The following DGKB variants were observed in gnomAD, a reference collection of about 807,000 sequenced individuals.
DGKB encodes 90 kDa diacylglycerol kinase.
In DGKB, 67 loss-of-function variants were observed where a neutral mutation model predicts 114.3. That is an observed-to-expected ratio of 0.59 (90% confidence interval 0.48 to 0.72). The LOEUF (loss-of-function observed/expected upper bound fraction) is 0.72. Among genes scored for constraint, DGKB ranks in the 30% least tolerant of loss-of-function variants. DGKB has a pLI of 0.00. For missense variants in DGKB, 907 were observed against 975.2 expected, an observed-to-expected ratio of 0.93 and a Z score of 0.93; for synonymous variants, 398 against 323.1, an observed-to-expected ratio of 1.23 and a Z score of -2.49.
intron 9 of DGKB, among the ~76,000 whole-genome samples, chr7:14,689,199 A>ATTTTTTTTATTT (rs1554599100): frequency 1.8e-4 from 14 of 76,566 alleles, no homozygotes; most frequent in Admixed American, 7.6e-4. Context: ...AACTCCTCTT[A>ATTTTTTTTATTT]TTTTTTTTTT....
At chr7:14,338,890 C>A (rs538963013) in intron 22 of DGKB, among the ~76,000 whole-genome samples, 180 bp from the exon 23 acceptor site, 4 of 152,132 alleles carry the variant, frequency 2.6e-5, no homozygotes, top group Non-Finnish European at 5.9e-5. Context: ...GATAAAGCAG[C>A]CCCTAACATT....
chr7:14,601,457 T>C (rs568796534), intron 17 of DGKB, among the ~76,000 whole-genome samples: 3 of 152,338 alleles, frequency 2.0e-5, no homozygotes, highest in African/African-American at 7.2e-5. Flanking sequence ...ACCCAAACTT[T>C]CATTGGTAAC....
chr7:14,303,893 G>A (rs947879199), intron 23 of DGKB, among the ~76,000 whole-genome samples: 1 of 152,098 alleles, frequency 6.6e-6, no homozygotes, highest in African/African-American at 2.4e-5. Context: ...GGATTGAAAA[G>A]TCTATCAAGT....
At chr7:14,351,445 G>C (rs1269470881) in intron 21 of DGKB, among the ~76,000 whole-genome samples, 6 of 152,308 alleles carry the variant, frequency 3.9e-5, no homozygotes, top group Admixed American at 2.0e-4. Context: ...CCCTAGGTCA[G>C]TGCAGAGGGA....
intron 6 of DGKB, among the ~76,000 whole-genome samples, chr7:14,709,296 C>T (rs1160459221): frequency 6.7e-6 from 1 of 148,908 alleles, no homozygotes; most frequent in East Asian, 2.0e-4. Context: ...GAATGGCAGT[C>T]ATTAAAAAGT....
rs374610278 is a variant in DGKB, at chr7:14,203,161, C to CA, written c.2123-25011dup. 7.8e-3 allele frequency among the ~76,000 whole-genome samples: 745 copies of CA among 96,098 alleles called. 9 individuals are homozygous for CA. Among genetic ancestry groups the CA allele is most frequent in the African/African-American group, 0.02 (454 of 23,050 alleles). The allele number at this position is 96,098 out of a possible 152,430, so 63.0% of individuals were successfully genotyped here. A position where few individuals can be genotyped will look rare whatever the true frequency, so the allele number is the denominator to read the frequency against. On this transcript the variant is annotated intron_variant, in intron 23 of 25. Transcript: ENST00000402815. ...GGCCAGTATCAAAAAGAGCAGTAGC[C>CA]AAAAAAAAAAAAAAAAGTTAAAAGT... is the stretch of plus-strand genomic sequence containing the variant.
intron 23 of DGKB, among the ~76,000 whole-genome samples, chr7:14,272,736 T>G (rs1021081850): frequency 6.6e-6 from 1 of 152,222 alleles, no homozygotes; most frequent in Admixed American, 6.5e-5. Context: ...AACTAGGAGA[T>G]GATCTTAATG....
intron 13 of DGKB, among the ~76,000 whole-genome samples, chr7:14,642,929 A>G (rs1420484129): frequency 6.6e-6 from 1 of 152,156 alleles, no homozygotes; most frequent in Non-Finnish European, 1.5e-5. Context: ...ATACATTGTA[A>G]TCTCTCTTTG....
chr7:14,307,443 T>G (rs1381397280), intron 23 of DGKB, among the ~76,000 whole-genome samples: 1 of 152,182 alleles, frequency 6.6e-6, no homozygotes, highest in Non-Finnish European at 1.5e-5. Flanking sequence ...TGAATAGCGT[T>G]AAATAACAGT....
At chr7:14,490,964 A>C (rs1376060462) in intron 20 of DGKB, among the ~76,000 whole-genome samples, 1 of 150,692 alleles carries the variant, frequency 6.6e-6, no homozygotes, top group African/African-American at 2.4e-5. Flanking sequence ...TTTTTTTTTA[A>C]TGCAGAAACA....
intron 23 of DGKB, among the ~76,000 whole-genome samples, chr7:14,314,476 G>A (rs1397756054): frequency 2.0e-5 from 3 of 152,150 alleles, no homozygotes; most frequent in Non-Finnish European, 2.9e-5. Context: ...CGAGAACTAC[G>A]TGAAGAATGC....
chr7:14,569,972 T>G (rs1185907733), intron 20 of DGKB, among the ~76,000 whole-genome samples: 5 of 151,586 alleles, frequency 3.3e-5, no homozygotes. Flanking sequence ...GGAAAGTCAT[T>G]GATTATTGCT....
Position 14,586,105 on chromosome 7 carries a change from T to A in DGKB, c.1434-2968A>T, listed in dbSNP as rs372555765. Among the ~76,000 whole-genome samples, 43 of 152,186 alleles carry A rather than the reference T, an allele frequency of 2.8e-4. No individual in the cohort carries two copies. In the East Asian group the frequency reaches 7.9e-3, roughly 28 times the overall value. ...GCTAGAAATTATTAAGCTGAGTGAG[T>A]AAAGCATGTCAAAAGCACAGGCAGG... On this transcript the variant is annotated intron_variant, in intron 17 of 25. Coordinates refer to ENST00000402815, the MANE Select transcript of DGKB (RefSeq NM_001350709.2).
At chr7:14,465,930 C>T (rs1047539131) in intron 21 of DGKB, among the ~76,000 whole-genome samples, 2 of 151,836 alleles carry the variant, frequency 1.3e-5, no homozygotes, top group Non-Finnish European at 2.9e-5. Context: ...ATTATTGAGA[C>T]TTTCTGTGAT....
At chr7:14,708,488 AG>A (rs1217674378) in intron 6 of DGKB, among the ~76,000 whole-genome samples, 1 of 148,598 alleles carries the variant, frequency 6.7e-6, no homozygotes, top group Non-Finnish European at 1.5e-5. Flanking sequence ...TGGAACCAAA[AG>A]AGAGACGGCA....
At chr7:14,452,423 C>T (rs1160175151) in intron 21 of DGKB, among the ~76,000 whole-genome samples, 1 of 151,752 alleles carries the variant, frequency 6.6e-6, no homozygotes, top group East Asian at 1.9e-4. Flanking sequence ...ACCTGAGATC[C>T]TAGAATTGCA....
intron 23 of DGKB, among the ~76,000 whole-genome samples, chr7:14,220,723 G>A (rs2128322500): frequency 6.6e-6 from 1 of 151,572 alleles, no homozygotes; most frequent in South Asian, 2.1e-4. Context: ...GCATTGCCAT[G>A]TTAACAATAT....
chr7:14,935,813 T>C (rs1403764067), intron 1 of DGKB, among the ~76,000 whole-genome samples: 1 of 152,086 alleles, frequency 6.6e-6, no homozygotes, highest in Non-Finnish European at 1.5e-5. Context: ...GGAACTAATA[T>C]TTTGTATAAA....
chr7:14,932,439 T>A (rs903124393), intron 1 of DGKB, among the ~76,000 whole-genome samples: 2 of 152,162 alleles, frequency 1.3e-5, no homozygotes, highest in Non-Finnish European at 2.9e-5. Flanking sequence ...TTGGAAAAAA[T>A]AAAGACTGTT....
Sources: gnomAD v4.1 joint callset for allele counts (sites outside exome capture counted in the v4.1 genomes callset) on GRCh38, gnomAD v4.1.1 for gene constraint, MANE v1.5 for transcripts, NCBI Gene and HGNC (gene_info 2026-07-23, HGNC 2026-07-21) for gene names.